Variants in OTULINL observed in about 807,000 individuals in gnomAD.
The protein encoded by OTULINL is inactive ubiquitin thioesterase OTULINL.
Under a neutral mutation model 43.9 loss-of-function variants are expected in OTULINL, and 42 were observed. The ratio of observed to expected loss-of-function variants is 0.96; its 90% CI spans 0.75 to 1.24. The LOEUF (loss-of-function observed/expected upper bound fraction) is 1.24. Ranked by LOEUF, OTULINL falls within the 50% of genes most tolerant of loss-of-function variation. OTULINL has a pLI of 0.00. For synonymous variants in OTULINL, 172 were observed against 153.6 expected (o/e 1.12, Z -0.88); for missense variants, 411 against 426.4 (o/e 0.96, Z 0.32).
chr5:14,596,424 T>C (rs1347110306), intron 1 of OTULINL, among the ~76,000 whole-genome samples: 3 of 152,208 alleles, frequency 2.0e-5, no homozygotes, highest in African/African-American at 4.8e-5. Context: ...AAATGAGATT[T>C]GATGCTGGAG....
At chr5:14,606,953 G>A (rs1759490636) in intron 5 of OTULINL, among the ~76,000 whole-genome samples, 3 of 152,210 alleles carry the variant, frequency 2.0e-5, no homozygotes, top group Admixed American at 2.0e-4. Flanking sequence ...TTTGGGCCGG[G>A]TGCTGTGGCT....
chr5:14,606,527 A>T (rs1759480458), intron 5 of OTULINL, among the ~76,000 whole-genome samples: 1 of 152,254 alleles, frequency 6.6e-6, no homozygotes, highest in South Asian at 2.1e-4. Flanking sequence ...ATACACCATA[A>T]TCTTATTTAA....
intron 1 of OTULINL, among the ~76,000 whole-genome samples, chr5:14,592,943 G>A (rs1759230145): frequency 6.6e-6 from 1 of 152,130 alleles, no homozygotes; most frequent in South Asian, 2.1e-4. Flanking sequence ...CATGTCCTAG[G>A]GAAGCATTCT....
At chr5:14,605,716 C>G (rs1003528751) in intron 5 of OTULINL, among the ~76,000 whole-genome samples, 6 of 152,150 alleles carry the variant, frequency 3.9e-5, no homozygotes, top group Admixed American at 1.3e-4. Flanking sequence ...TTCAGAGTTC[C>G]GTAAATCTCT....
At chr5:14,590,116 C>T (rs1377582322) in intron 1 of OTULINL, among the ~76,000 whole-genome samples, 1 of 152,112 alleles carries the variant, frequency 6.6e-6, no homozygotes, top group Admixed American at 6.5e-5. Flanking sequence ...GATTACTTGA[C>T]CAGTAAGATT....
chr5:14,593,741 GATGTTACTAAAGAAAACACACACACAAT>G (rs1159886501), intron 1 of OTULINL, among the ~76,000 whole-genome samples: 14 of 152,224 alleles, frequency 9.2e-5, no homozygotes, highest in African/African-American at 3.4e-4. Context: ...TCTCAGCTGT[GATGTTACTAAAGAAAACACACACACAAT>G]CCTCTCAGTG....
Position 14,594,921 on chromosome 5 carries a change from A to ATTCCATCAGCCTCTCTTCACCACTCTCTC in OTULINL, c.65-6036_65-6008dup. 1.3e-5 allele frequency among the ~76,000 whole-genome samples: 2 copies of ATTCCATCAGCCTCTCTTCACCACTCTCTC among 151,582 alleles called. 1 individual carries two copies. Among genetic ancestry groups the ATTCCATCAGCCTCTCTTCACCACTCTCTC allele is most frequent in the South Asian group, 4.2e-4 (2 of 4,808 alleles). ...TCACCCCTCCCTTGAGTTCCTTCCT[A>ATTCCATCAGCCTCTCTTCACCACTCTCTC]TTCCATCAGCCTCTCTTCACCACTC... On this transcript the variant is annotated intron_variant, in intron 1 of 7. Transcript: ENST00000274217.
intron 7 of OTULINL, among the ~76,000 whole-genome samples, chr5:14,609,468 G>A (rs1298498144): frequency 6.6e-6 from 1 of 152,158 alleles, no homozygotes; most frequent in African/African-American, 2.4e-5. Flanking sequence ...TTCCTAGAGG[G>A]CGAACAAAAT....
intron 1 of OTULINL, 103 bp from the exon 2 acceptor site, chr5:14,600,862 G>T (rs1759372840): frequency 6.1e-6 from 6 of 980,092 alleles, no homozygotes; most frequent in Non-Finnish European, 8.2e-6. Context: ...TAGATACTTT[G>T]CAGGTAAAAT....
intron 1 of OTULINL, 141 bp from the exon 2 acceptor site, chr5:14,600,824 C>A: frequency 2.5e-6 from 2 of 807,008 alleles, no homozygotes; most frequent in Non-Finnish European, 3.4e-6. Flanking sequence ...TTTTTAAATA[C>A]TTTAAAAATA....
intron 1 of OTULINL, 94 bp from the exon 2 acceptor site, chr5:14,600,871 A>G: frequency 5.4e-6 from 6 of 1,115,008 alleles, no homozygotes; most frequent in Non-Finnish European, 4.7e-6. Context: ...TGCAGGTAAA[A>G]TTATGCAATC....
intron 1 of OTULINL, among the ~76,000 whole-genome samples, chr5:14,599,681 C>G (rs1451042148): frequency 2.0e-5 from 3 of 152,210 alleles, no homozygotes; most frequent in African/African-American, 7.2e-5. Flanking sequence ...AATTATTTTG[C>G]AATGAACCCC....
At chr5:14,582,146 A>AC (rs1277888904) in intron 1 of OTULINL, among the ~76,000 whole-genome samples, 188 bp downstream of exon 1, 2 of 151,114 alleles carry the variant, frequency 1.3e-5, no homozygotes, top group East Asian at 3.9e-4. Flanking sequence ...GCGGGGCTGC[A>AC]CCCCCACTCG....
At chr5:14,605,388 G>A (rs1324548753) in intron 5 of OTULINL, among the ~76,000 whole-genome samples, 1 of 129,224 alleles carries the variant, frequency 7.7e-6, no homozygotes, top group African/African-American at 3.0e-5. Context: ...AGGTGTCTGG[G>A]CCTGTAATGG....
Position 14,611,298 on chromosome 5 carries a change from G to A in OTULINL, c.*984G>A, listed in dbSNP as rs1465189049. 1 of 152,378 alleles carries A rather than the reference G, an allele frequency of 6.6e-6. No individual in the cohort carries two copies. The highest frequency in any genetic ancestry group is 1.9e-4 in the East Asian group (1 of 5,196). 9.4% of individuals were successfully genotyped at this position (152,378 alleles called of 1,614,324 possible). A position where few individuals can be genotyped will look rare whatever the true frequency, so the allele number is the denominator to read the frequency against. ...TCTAGATTCTCCAGGTGGACGCAGT[G>A]TAATCAGAATGGTTCTTAAAAGTGG... On this transcript the variant is annotated 3_prime_UTR_variant, in exon 8 of 8. Transcript: ENST00000274217.
Position 14,595,564 on chromosome 5 carries a change from A to G in OTULINL, c.65-5401A>G, listed in dbSNP as rs574693873. Among the ~76,000 whole-genome samples, 46 of 145,590 alleles carry G rather than the reference A, an allele frequency of 3.2e-4. 1 individual carries two copies. The highest frequency in any genetic ancestry group is 1.2e-3 in the African/African-American group (46 of 39,434). On this transcript the variant is annotated intron_variant, in intron 1 of 7. Transcript: ENST00000274217. ...TTTGGTTTCCTGTTTTAATGTTTGA[A>G]TTACTTCAGCTTTGGTATATTGTAG...
intron 4 of OTULINL, 115 bp from the exon 5 acceptor site, chr5:14,602,068 T>C (rs917013605): frequency 4.0e-5 from 28 of 707,512 alleles, no homozygotes; most frequent in Non-Finnish European, 6.0e-5. Flanking sequence ...TAATTTATCA[T>C]TGTTTCTGTT....
chr5:14,609,815 A>G (rs1304718580), intron 7 of OTULINL, among the ~76,000 whole-genome samples: 3 of 152,274 alleles, frequency 2.0e-5, no homozygotes, highest in Non-Finnish European at 4.4e-5. Flanking sequence ...TATTTTTAGT[A>G]GAGACGGGGT....
intron 5 of OTULINL, among the ~76,000 whole-genome samples, chr5:14,606,157 C>T (rs1489813255): frequency 2.0e-5 from 3 of 152,104 alleles, no homozygotes; most frequent in African/African-American, 7.2e-5. Flanking sequence ...ACAATCATGG[C>T]GGAAGTCAGA....
Sources: allele counts gnomAD v4.1 joint callset (sites outside exome capture counted in the v4.1 genomes callset), GRCh38; gene constraint gnomAD v4.1.1; transcripts MANE v1.5; gene names NCBI Gene and HGNC (gene_info 2026-07-23, HGNC 2026-07-21).